Variants in THSD7A observed in about 807,000 individuals in gnomAD.
The protein encoded by THSD7A is thrombospondin type-1 domain-containing protein 7A.
In THSD7A, 96 loss-of-function variants were observed where a neutral mutation model predicts 231.3. That is an observed-to-expected ratio of 0.41 (90% CI 0.35 to 0.49). The LOEUF (loss-of-function observed/expected upper bound fraction) is 0.49. THSD7A is among the 20% of genes least tolerant of loss of function. THSD7A has a pLI of 0.05. For missense variants in THSD7A, 2,290 were observed against 2,070.2 expected (o/e 1.11, Z -2.06); for synonymous variants, 940 against 743.3 (o/e 1.26, Z -4.30).
chr7:11,778,156 CAAAAAAAAAAAA>C (rs57740181), intron 1 of THSD7A, among the ~76,000 whole-genome samples: 2 of 45,080 alleles, frequency 4.4e-5, no homozygotes, highest in Admixed American at 3.2e-4. Context: ...GACTCCGTCT[CAAAAAAAAAAAA>C]AAAAAAAAAA....
At position 11,372,167 on chromosome 7, in the gene THSD7A, T is replaced by TAATA. The variant is rs1371902935; in HGVS notation, c.*3623_*3626dup. Reference sequence around the variant, plus strand: ...GTGGGGCAGGGAAAAATCAAACTCCTAATACTGTGGCCTAAAGACATGTAC... The same window carrying TAATA: ...GTGGGGCAGGGAAAAATCAAACTCCTAATAAATACTGTGGCCTAAAGACATGTAC... On this transcript the variant is annotated 3_prime_UTR_variant, in exon 28 of 28. Transcript: ENST00000423059. 6.6e-6 allele frequency: 1 copy of TAATA among 152,052 alleles called. No individual in the cohort carries two copies. The highest frequency in any genetic ancestry group is 1.5e-5 in the Non-Finnish European group (1 of 68,016). 9.4% of individuals were successfully genotyped at this position (152,052 alleles called of 1,614,324 possible).
At chr7:11,509,821 C>CAAAAAAAAAAAATAAAAT (rs1554326843) in intron 6 of THSD7A, among the ~76,000 whole-genome samples, 2 of 39,972 alleles carry the variant, frequency 5.0e-5, no homozygotes, top group African/African-American at 1.4e-4. Context: ...GAGTCCGTCT[C>CAAAAAAAAAAAATAAAAT]AAAAAAAAAA....
chr7:11,664,341 G>A (rs535580364), intron 1 of THSD7A, among the ~76,000 whole-genome samples: 1 of 151,948 alleles, frequency 6.6e-6, no homozygotes, highest in East Asian at 1.9e-4. Flanking sequence ...ATAGATTTGG[G>A]TTTGTGTTTT....
intron 4 of THSD7A, among the ~76,000 whole-genome samples, chr7:11,557,385 T>A (rs1298712728): frequency 1.3e-5 from 2 of 152,128 alleles, no homozygotes; most frequent in Non-Finnish European, 2.9e-5. Flanking sequence ...TCATAACTGT[T>A]GAAAGATTTT....
intron 1 of THSD7A, among the ~76,000 whole-genome samples, chr7:11,763,562 T>G (rs1782932806): frequency 6.6e-6 from 1 of 152,180 alleles, no homozygotes; most frequent in Admixed American, 6.5e-5. Context: ...TATACCTAAA[T>G]CTTAGCATAA....
intron 6 of THSD7A, among the ~76,000 whole-genome samples, chr7:11,533,895 TA>T (rs1048486537): frequency 2.6e-5 from 4 of 152,166 alleles, no homozygotes; most frequent in African/African-American, 7.2e-5. Flanking sequence ...TAAAGTGATT[TA>T]AAAAACTGTT....
At chr7:11,386,909 A>G (rs568753968) in intron 23 of THSD7A, among the ~76,000 whole-genome samples, 187 of 152,260 alleles carry the variant, frequency 1.2e-3, no homozygotes, top group Non-Finnish European at 2.2e-3. Context: ...GAAGGGGTCC[A>G]GTTTCAGTTT....
At position 11,811,312 on chromosome 7, in the gene THSD7A, C is replaced by T. The variant is rs538044803; in HGVS notation, c.190+20445G>A. ...CAAAGAAAGAATATTTCAAGTTTTCCTCTGGGTTAAAATTGCTATTTTTAT... is the reference window on the plus strand; with the variant it reads ...CAAAGAAAGAATATTTCAAGTTTTCTTCTGGGTTAAAATTGCTATTTTTAT... On this transcript the variant is annotated intron_variant, in intron 1 of 27. Transcript: ENST00000423059. 3.0e-4 allele frequency among the ~76,000 whole-genome samples: 45 copies of T among 152,204 alleles called. No homozygotes were observed. In the South Asian group the frequency reaches 7.9e-3, roughly 27 times the overall value.
chr7:11,510,478 G>T (rs1020446209), intron 6 of THSD7A, among the ~76,000 whole-genome samples: 4 of 152,010 alleles, frequency 2.6e-5, no homozygotes, highest in African/African-American at 7.2e-5. Flanking sequence ...CAACAAAAGA[G>T]AATTTTAGAC....
chr7:11,788,294 T>C (rs901143546), intron 1 of THSD7A, among the ~76,000 whole-genome samples: 2 of 152,106 alleles, frequency 1.3e-5, no homozygotes, highest in African/African-American at 4.8e-5. Flanking sequence ...AGAAATTTGA[T>C]AGTTACTCTC....
intron 6 of THSD7A, among the ~76,000 whole-genome samples, chr7:11,518,968 T>C (rs992678670): frequency 6.6e-6 from 1 of 152,224 alleles, no homozygotes; most frequent in African/African-American, 2.4e-5. Context: ...AATTTGAATA[T>C]GAACCAAGAA....
chr7:11,398,022 A>T (rs1371598948), intron 23 of THSD7A, among the ~76,000 whole-genome samples: 1 of 152,138 alleles, frequency 6.6e-6, no homozygotes, highest in Non-Finnish European at 1.5e-5. Flanking sequence ...TGGACCCAGC[A>T]ATCCCATTAC....
At chr7:11,571,594 A>T (rs1790632922) in intron 4 of THSD7A, among the ~76,000 whole-genome samples, 1 of 152,186 alleles carries the variant, frequency 6.6e-6, no homozygotes, top group East Asian at 1.9e-4. Context: ...CTATCTCCAT[A>T]GTCTATGTTC....
At chr7:11,531,393 TAGTC>T (rs1788702536) in intron 6 of THSD7A, among the ~76,000 whole-genome samples, 1 of 152,180 alleles carries the variant, frequency 6.6e-6, no homozygotes, top group Admixed American at 6.5e-5. Context: ...ATTCCCATCT[TAGTC>T]AGAATAAAAG....
At chr7:11,616,351 C>G (rs79283976) in intron 2 of THSD7A, among the ~76,000 whole-genome samples, 2,281 of 152,196 alleles carry the variant, frequency 0.015, 66 homozygotes, top group African/African-American at 0.052. Flanking sequence ...CATCTTTGAC[C>G]TCTTCCTGTG....
chr7:11,507,597 G>A (rs1787606343), intron 6 of THSD7A, among the ~76,000 whole-genome samples: 1 of 125,788 alleles, frequency 7.9e-6, no homozygotes, highest in African/African-American at 3.3e-5. Context: ...ATGAAATAAT[G>A]TGTGTTTTTT....
At chr7:11,777,269 G>A (rs1472421444) in intron 1 of THSD7A, among the ~76,000 whole-genome samples, 2 of 151,850 alleles carry the variant, frequency 1.3e-5, no homozygotes, top group African/African-American at 4.8e-5. Flanking sequence ...TTTTCACAAG[G>A]AGACCAAAAT....
intron 1 of THSD7A, among the ~76,000 whole-genome samples, chr7:11,827,917 T>A (rs1471958222): frequency 1.3e-5 from 2 of 152,160 alleles, no homozygotes; most frequent in Non-Finnish European, 2.9e-5. Flanking sequence ...CTTGATGGCA[T>A]TTTCCTACTT....
At chr7:11,605,713 A>G (rs1283110518) in intron 2 of THSD7A, among the ~76,000 whole-genome samples, 1 of 152,194 alleles carries the variant, frequency 6.6e-6, no homozygotes, top group Non-Finnish European at 1.5e-5. Flanking sequence ...CATATTAGGC[A>G]GTTTACCAAT....
Sources: allele counts gnomAD v4.1 joint callset (sites outside exome capture counted in the v4.1 genomes callset), GRCh38; gene constraint gnomAD v4.1.1; transcripts MANE v1.5; gene names NCBI Gene and HGNC (gene_info 2026-07-23, HGNC 2026-07-21).